Variants in CSF3R observed in about 807,000 individuals in gnomAD.
CSF3R encodes granulocyte colony-stimulating factor receptor.
A neutral mutation model predicts 84.4 loss-of-function variants in CSF3R; 52 were observed. The observed-to-expected ratio is 0.62, with a 90% confidence interval of 0.49 to 0.78. CSF3R has a LOEUF of 0.78. CSF3R is among the 30% of genes least tolerant of loss of function. The pLI is 0.00. For missense variants in CSF3R, 890 were observed against 1,055.7 expected, an observed-to-expected ratio of 0.84 and a Z score of 2.17; for synonymous variants, 384 against 429.1, an observed-to-expected ratio of 0.89 and a Z score of 1.30.
At position 36,473,746 on chromosome 1, in the gene CSF3R, G is replaced by C. The variant is rs1421627142; in HGVS notation, c.485+18C>G. ...CAGAATCCAAAGGGAGGGGACCAAGGTGGGGGCCCCTCCTCACTTGAAACT... is the reference window on the plus strand; with the variant it reads ...CAGAATCCAAAGGGAGGGGACCAAGCTGGGGGCCCCTCCTCACTTGAAACT... On this transcript the variant is annotated intron_variant, in intron 5 of 16. Coordinates refer to ENST00000373106, the MANE Select transcript of CSF3R (RefSeq NM_000760.4). 1 of 1,614,222 alleles carries C rather than the reference G, an allele frequency of 6.2e-7. No homozygotes were observed. Among genetic ancestry groups the C allele is most frequent in the African/African-American group, 1.3e-5 (1 of 75,070 alleles).
chr1:36,469,937 G>A (rs1410890360), intron 10 of CSF3R, 97 bp from the exon 11 acceptor site: 5 of 1,345,546 alleles, frequency 3.7e-6, no homozygotes, highest in Non-Finnish European at 4.2e-6. Context: ...CTATTTACAG[G>A]CTGGGTGACC....
intron 2 of CSF3R, chr1:36,480,101 G>A (rs1651425208): frequency 1.1e-5 from 2 of 179,510 alleles, no homozygotes; most frequent in African/African-American, 2.4e-5. Flanking sequence ...AGGGAAGATG[G>A]AAAGATTTAC....
chr1:36,466,771 C>T lies in CSF3R; in HGVS notation c.2097G>A (p.Leu699=). The T allele has an allele frequency of 6.2e-7, 1 of 1,614,220 alleles. No homozygotes were observed. Among genetic ancestry groups the T allele is most frequent in the Non-Finnish European group, 8.5e-7 (1 of 1,180,036 alleles). ...GTPPITKLTV[L]EEDEKKPVPW... is the part of the protein sequence containing the mutation. The stretch of plus-strand genomic sequence containing the variant: ...GCACCGGCTTCTTTTCATCCTCCTC[C>T]AGCACTGTGAGCTTGGTGATGGGTG... The change falls in exon 17 of 17, where the codon CTG becomes CTA. Residue 699 remains leucine, a synonymous_variant. Coordinates refer to ENST00000373106, the MANE Select transcript of CSF3R (RefSeq NM_000760.4). The surrounding 1 kb of genome is among the most constrained non-coding windows in gnomAD (Gnocchi z 4.6).
Position 36,473,888 on chromosome 1 carries a change from C to T in CSF3R, c.362-1G>A. The T allele has an allele frequency of 1.2e-6, 2 of 1,614,010 alleles. No homozygotes were observed. Among genetic ancestry groups the T allele is most frequent in the Non-Finnish European group, 1.7e-6 (2 of 1,179,966 alleles). On this transcript the variant is annotated splice_acceptor_variant, in intron 4 of 16. Transcript: ENST00000373106. LOFTEE classifies it high-confidence loss of function. Reference sequence around the variant, plus strand: ...AGGTTGTGGGGTATGGCTGGAGGGTCTGCATGTGGGTGGGAAGAGTGTGAG... The same window carrying T: ...AGGTTGTGGGGTATGGCTGGAGGGTTTGCATGTGGGTGGGAAGAGTGTGAG...
intron 2 of CSF3R, among the ~76,000 whole-genome samples, chr1:36,480,628 G>A (rs1178333309): frequency 1.3e-5 from 2 of 152,342 alleles, no homozygotes; most frequent in Admixed American, 6.5e-5. Flanking sequence ...CAGCTTGCAC[G>A]TACATATCTG....
In CSF3R at chr1:36,468,240, G is replaced by T; in HGVS notation, c.1577-19C>A. 6.4e-7 allele frequency: 1 copy of T among 1,561,146 alleles called. No homozygotes were observed. Among genetic ancestry groups the T allele is most frequent in the Non-Finnish European group, 8.7e-7 (1 of 1,153,770 alleles). On this transcript the variant is annotated intron_variant, in intron 12 of 16. Coordinates refer to ENST00000373106, the MANE Select transcript of CSF3R (RefSeq NM_000760.4). Reference sequence around the variant, plus strand: ...GAGGGAGCTATGGGAAGAGAGAGGTGCGGGGGCTGAAGGGAGTGGGGCAGA... The same window carrying T: ...GAGGGAGCTATGGGAAGAGAGAGGTTCGGGGGCTGAAGGGAGTGGGGCAGA...
rs762017249 is a variant in CSF3R at position 36,466,547 on chromosome 1, T to G, written c.2321A>C (p.Gln774Pro). ...GGGGGTGAGGCCCGCCAAGAGGGGC[T>G]GAGTGGAGTCACAGCGGAGATAGTG... Reference protein sequence around the residue: ...PGHYLRCDSTQPLLAGLTPSP... With the variant: ...PGHYLRCDSTPPLLAGLTPSP... The change falls in exon 17 of 17, where the codon CAG becomes CCG. Residue 774 changes from glutamine (Q) to proline (P), a missense_variant. Gln to Pro is a moderately conservative substitution (Grantham distance 76, BLOSUM62 -1). Coordinates refer to ENST00000373106, the MANE Select transcript of CSF3R (RefSeq NM_000760.4). The surrounding 1 kb of genome is among the most constrained non-coding windows in gnomAD (Gnocchi z 4.6). 3.1e-6 allele frequency: 5 copies of G among 1,609,476 alleles called. No homozygotes were observed. Among genetic ancestry groups the G allele is most frequent in the Admixed American group, 1.7e-5 (1 of 59,662 alleles).
At position 36,479,470 on chromosome 1, in the gene CSF3R, C is replaced by G; in HGVS notation, c.27G>C (p.Leu9=). MARLGNCS[L]TWAALIILLL... is the part of the protein sequence containing the mutation. Reference sequence around the variant, plus strand: ...GCAGGATGATCAGGGCAGCCCAAGTCAGGCTGCAGTTTCCCAGCCTTGCCA... The same window carrying G: ...GCAGGATGATCAGGGCAGCCCAAGTGAGGCTGCAGTTTCCCAGCCTTGCCA... Residue 9 remains leucine, a synonymous_variant, in exon 3 of 17, where the codon CTG becomes CTC. Coordinates refer to ENST00000373106, the MANE Select transcript of CSF3R (RefSeq NM_000760.4). 1 of 1,614,242 alleles carries G rather than the reference C, an allele frequency of 6.2e-7. No homozygotes were observed. The highest frequency in any genetic ancestry group is 8.5e-7 in the Non-Finnish European group (1 of 1,180,054).
chr1:36,476,363 G>C (rs764627472), intron 3 of CSF3R: 1 of 152,218 alleles, frequency 6.6e-6, no homozygotes, highest in Non-Finnish European at 1.5e-5. Context: ...GATAAAAATC[G>C]TCCCTACCTT....
In CSF3R at chr1:36,472,796, T is replaced by C. The variant is rs1650860423; in HGVS notation, c.674-110A>G. ...GTTCACCATCTGTCCACGTTGCCAA[T>C]GACACGTTTCTGTGGTTCGATCTCT... On this transcript the variant is annotated intron_variant, in intron 6 of 16. Transcript: ENST00000373106. This position sits in a 1 kb window ranked among gnomAD's most constrained non-coding sequence, Gnocchi z 5.0. 4.6e-6 allele frequency: 6 copies of C among 1,308,208 alleles called. No individual in the cohort carries two copies. In the East Asian group the frequency reaches 1.5e-4, roughly 33 times the overall value. The allele number at this position is 1,308,208 out of a possible 1,614,324, so 81.0% of individuals were successfully genotyped here. A position where few individuals can be genotyped will look rare whatever the true frequency, so the allele number is the denominator to read the frequency against.
intron 11 of CSF3R, 96 bp downstream of exon 11, chr1:36,469,556 G>A: frequency 7.2e-7 from 1 of 1,396,978 alleles, no homozygotes; most frequent in Admixed American, 1.7e-5. Flanking sequence ...GAGAATCCAT[G>A]TCTCTTGGGC....
chr1:36,481,250 A>G (rs1358497273), intron 2 of CSF3R, among the ~76,000 whole-genome samples: 3 of 152,124 alleles, frequency 2.0e-5, no homozygotes, highest in East Asian at 1.9e-4. Context: ...AGAGTAGACA[A>G]CCTAACCCCA....
chr1:36,479,649 AACAGCAGCCTAT>A, intron 2 of CSF3R, 133 bp from the exon 3 acceptor site: 1 of 731,196 alleles, frequency 1.4e-6, no homozygotes, highest in Non-Finnish European at 2.5e-6. Flanking sequence ...AAATGGAAGT[AACAGCAGCCTAT>A]ACTGCATGGG....
At chr1:36,468,012 G>T (rs201387940) in intron 13 of CSF3R, 50 bp from the exon 14 acceptor site, 1 of 1,614,124 alleles carries the variant, frequency 6.2e-7, no homozygotes, top group Non-Finnish European at 8.5e-7. Context: ...AGCTGCCTCC[G>T]TGGCAGCTGA....
intron 1 of CSF3R, among the ~76,000 whole-genome samples, chr1:36,482,333 C>T (rs1020344586): frequency 2.0e-5 from 3 of 151,208 alleles, no homozygotes; most frequent in African/African-American, 7.3e-5. Flanking sequence ...AGGCCTGGAG[C>T]CCGGGAAGCG....
intron 9 of CSF3R, 135 bp from the exon 10 acceptor site, chr1:36,471,781 C>A: frequency 1.1e-6 from 1 of 875,380 alleles, no homozygotes; most frequent in South Asian, 1.6e-5. Flanking sequence ...CCCCCCTCCC[C>A]TTTTCCCTCT....
chr1:36,476,179 C>T (rs1293361616), intron 3 of CSF3R: 2 of 155,550 alleles, frequency 1.3e-5, no homozygotes, highest in South Asian at 1.9e-4. Context: ...ATCTCCATCG[C>T]AGCACTTCAA....
chr1:36,467,744 G>T lies in CSF3R; in HGVS notation c.1864+78C>A. 6.2e-7 allele frequency: 1 copy of T among 1,612,922 alleles called. No individual in the cohort carries two copies. Among genetic ancestry groups the T allele is most frequent in the Non-Finnish European group, 8.5e-7 (1 of 1,178,858 alleles). ...CCAGGGGATTCAAAGTCAGTCCCCA[G>T]CTACTCTCAAAATCAGCATCCTTTG... On this transcript the variant is annotated intron_variant, in intron 14 of 16. Transcript: ENST00000373106. The surrounding 1 kb of genome is among the most constrained non-coding windows in gnomAD (Gnocchi z 4.1).
At position 36,466,120 on chromosome 1, in the gene CSF3R, C is replaced by T; in HGVS notation, c.*237G>A. On this transcript the variant is annotated 3_prime_UTR_variant, in exon 17 of 17. Transcript: ENST00000373106. The surrounding 1 kb of genome is among the most constrained non-coding windows in gnomAD (Gnocchi z 4.6). ...TTTACAATACTGAAGTTATAGGAAA[C>T]AAGCACAAAAGGCCATTGGGTGGGG... 10 of 1,614,174 alleles carry T rather than the reference C, an allele frequency of 6.2e-6. No homozygotes were observed. Among genetic ancestry groups the T allele is most frequent in the Non-Finnish European group, 8.5e-6 (10 of 1,180,026 alleles).
Sources: gnomAD v4.1 joint callset for allele counts (sites outside exome capture counted in the v4.1 genomes callset) on GRCh38, gnomAD v4.1.1 for gene constraint, Gnocchi (gnomAD v3.1) non-coding constraint, MANE v1.5 for transcripts, NCBI Gene and HGNC (gene_info 2026-07-23, HGNC 2026-07-21) for gene names.